FAT3: variants seen among roughly 807,000 people sequenced by gnomAD.
FAT3 encodes FAT atypical cadherin 3.
In FAT3, 95 loss-of-function variants were observed where a neutral mutation model predicts 310.2. The ratio of observed to expected loss-of-function variants is 0.31; its 90% CI spans 0.26 to 0.36. The LOEUF is 0.36. Among genes scored for constraint, FAT3 ranks in the 10% least tolerant of loss-of-function variants. The pLI is 1.00. For synonymous variants in FAT3, 2,314 were observed against 2,192.9 expected, an observed-to-expected ratio of 1.06 and a Z score of -1.54; for missense variants, 5,408 against 5,715.6, an observed-to-expected ratio of 0.95 and a Z score of 1.74.
chr11:92,840,814 C>T, intron 18 of FAT3, 55 bp downstream of exon 18: 1 of 1,448,870 alleles, frequency 6.9e-7, no homozygotes, highest in East Asian at 2.3e-5. Flanking sequence ...ATGCTTGTTT[C>T]TGTCCCCTTT....
At chr11:92,371,015 A>G (rs374516793) in intron 2 of FAT3, among the ~76,000 whole-genome samples, 1 of 152,190 alleles carries the variant, frequency 6.6e-6, no homozygotes, top group South Asian at 2.1e-4. Flanking sequence ...TTCACTTTGC[A>G]CACAATTCTA....
At chr11:92,289,715 A>G (rs1426688618) in intron 1 of FAT3, among the ~76,000 whole-genome samples, 1 of 151,974 alleles carries the variant, frequency 6.6e-6, no homozygotes, top group Non-Finnish European at 1.5e-5. Flanking sequence ...AATGTTTGGG[A>G]TGGTATCTAA....
intron 2 of FAT3, among the ~76,000 whole-genome samples, chr11:92,414,013 CTG>C: frequency 6.6e-6 from 1 of 152,290 alleles, no homozygotes; most frequent in Non-Finnish European, 1.5e-5. Flanking sequence ...CTTTCTCTGT[CTG>C]TTTTGCATTT....
intron 2 of FAT3, among the ~76,000 whole-genome samples, chr11:92,426,492 C>T (rs900462232): frequency 1.1e-4 from 16 of 152,106 alleles, no homozygotes; most frequent in African/African-American, 2.2e-4. Context: ...TTTCTTCTAG[C>T]GTTTTTATGG....
intron 4 of FAT3, among the ~76,000 whole-genome samples, chr11:92,737,085 G>A (rs1945369778): frequency 6.6e-6 from 1 of 152,280 alleles, no homozygotes; most frequent in South Asian, 2.1e-4. Context: ...TATTTAGAAT[G>A]TATTTAATTG....
chr11:92,538,278 C>T (rs1007719942), intron 3 of FAT3, among the ~76,000 whole-genome samples: 4 of 152,120 alleles, frequency 2.6e-5, no homozygotes, highest in African/African-American at 9.7e-5. Context: ...GAATTTTACC[C>T]TGTGAAATTC....
At chr11:92,283,126 G>T (rs1314871695) in intron 1 of FAT3, among the ~76,000 whole-genome samples, 1 of 152,080 alleles carries the variant, frequency 6.6e-6, no homozygotes, top group Non-Finnish European at 1.5e-5. Context: ...TCTGTCTACA[G>T]CCCAGCCCGA....
intron 4 of FAT3, among the ~76,000 whole-genome samples, chr11:92,755,215 T>TTTTGTTTG (rs71305390): frequency 0.11 from 16,219 of 151,370 alleles, 1,231 homozygotes; most frequent in African/African-American, 0.22. Flanking sequence ...AGAGAGTAGT[T>TTTTGTTTG]TTTGTTTGTT....
chr11:92,410,621 T>C (rs867236186), intron 2 of FAT3, among the ~76,000 whole-genome samples: 1 of 152,234 alleles, frequency 6.6e-6, no homozygotes. Context: ...TTTTTTTGCT[T>C]TTTGTTTTTA....
intron 3 of FAT3, among the ~76,000 whole-genome samples, chr11:92,535,937 T>C (rs1374817588): frequency 1.3e-5 from 2 of 152,194 alleles, no homozygotes; most frequent in Non-Finnish European, 2.9e-5. Flanking sequence ...TCTCAGTCTT[T>C]TAAAGCAATT....
chr11:92,273,792 A>T (rs897364305), intron 1 of FAT3, among the ~76,000 whole-genome samples: 1 of 152,256 alleles, frequency 6.6e-6, no homozygotes, highest in Admixed American at 6.5e-5. Context: ...TTCTACGAAG[A>T]TACAAAATGA....
At chr11:92,411,590 G>C (rs75064624) in intron 2 of FAT3, among the ~76,000 whole-genome samples, 16 of 152,034 alleles carry the variant, frequency 1.1e-4, no homozygotes, top group Non-Finnish European at 1.6e-4. Context: ...GCTGTGTTTC[G>C]CATGGAAGGA....
At chr11:92,606,495 T>C (rs984358690) in intron 3 of FAT3, among the ~76,000 whole-genome samples, 22 of 152,312 alleles carry the variant, frequency 1.4e-4, no homozygotes, top group African/African-American at 5.3e-4. Context: ...GGGCTGCTTC[T>C]GCTCTCCCAC....
chr11:92,685,437 C>T (rs988313432), intron 3 of FAT3, among the ~76,000 whole-genome samples: 22 of 151,854 alleles, frequency 1.4e-4, no homozygotes, highest in Non-Finnish European at 2.6e-4. Context: ...GAAACTTTTC[C>T]CAAAAAGTCT....
chr11:92,252,148 C>A (rs942307786), intron 1 of FAT3, among the ~76,000 whole-genome samples: 1 of 152,084 alleles, frequency 6.6e-6, no homozygotes, highest in Non-Finnish European at 1.5e-5. Flanking sequence ...AGCTGCTTGG[C>A]ATGATGGAGC....
chr11:92,605,032 G>A (rs1448894917), intron 3 of FAT3, among the ~76,000 whole-genome samples: 1 of 152,206 alleles, frequency 6.6e-6, no homozygotes, highest in East Asian at 1.9e-4. Context: ...GCTGTTCTCA[G>A]TGTATAAATC....
At chr11:92,239,172 C>A (rs1228094328) in intron 1 of FAT3, among the ~76,000 whole-genome samples, 2 of 152,026 alleles carry the variant, frequency 1.3e-5, no homozygotes, top group African/African-American at 2.4e-5. Flanking sequence ...AGAATAGGAT[C>A]CTAACTCTAC....
chr11:92,301,591 G>A lies in FAT3; in HGVS notation c.-17-50505G>A, dbSNP rs550989732. Among the ~76,000 whole-genome samples, 26 of 152,252 alleles carry A rather than the reference G, an allele frequency of 1.7e-4. No individual in the cohort carries two copies. The South Asian group carries it at 5.0e-3, about 29-fold the overall frequency. ...GGGGGCAGAGCCAGCTTTGCTAGAT[G>A]ACAAGTGCAGCACCACTCTTTATTG... On this transcript the variant is annotated intron_variant, in intron 1 of 27. Coordinates refer to ENST00000525166, the MANE Select transcript of FAT3 (RefSeq NM_001367949.2).
At chr11:92,410,563 T>A (rs1950234113) in intron 2 of FAT3, among the ~76,000 whole-genome samples, 1 of 152,206 alleles carries the variant, frequency 6.6e-6, no homozygotes, top group African/African-American at 2.4e-5. Context: ...TCCCCAGTTT[T>A]TCCATTAGGG....
Sources: gnomAD v4.1 joint callset for allele counts (sites outside exome capture counted in the v4.1 genomes callset) on GRCh38, gnomAD v4.1.1 for gene constraint, MANE v1.5 for transcripts, NCBI Gene and HGNC (gene_info 2026-07-23, HGNC 2026-07-21) for gene names.